Variants in KCNA6 observed in about 807,000 individuals in gnomAD.
KCNA6 encodes potassium voltage-gated channel subfamily A member 6.
Under a neutral mutation model 29.5 loss-of-function variants are expected in KCNA6, and 17 were observed. That is an observed-to-expected ratio of 0.58 (90% CI 0.39 to 0.86). The LOEUF is 0.86. KCNA6 is among the 40% of genes least tolerant of loss of function. The pLI, the probability that KCNA6 is intolerant of heterozygous loss-of-function variation, is 0.00. For missense variants in KCNA6, 450 were observed against 703.4 expected, an observed-to-expected ratio of 0.64 and a Z score of 4.07; for synonymous variants, 296 against 304.7, an observed-to-expected ratio of 0.97 and a Z score of 0.30.
At chr12:4,830,647 A>C in the KCNA6 span, among the ~76,000 whole-genome samples, 1 of 152,366 alleles carries the variant, frequency 6.6e-6, no homozygotes, top group South Asian at 2.1e-4. Flanking sequence ...GTTTCTCTTT[A>C]CTGTTCCTCT....
chr12:4,830,494 G>A, the KCNA6 span, among the ~76,000 whole-genome samples: 3 of 152,164 alleles, frequency 2.0e-5, no homozygotes, highest in African/African-American at 7.2e-5. Flanking sequence ...GTCCCACTCC[G>A]GACACCTGGC....
the KCNA6 span, among the ~76,000 whole-genome samples, chr12:4,820,275 T>G: frequency 6.6e-6 from 1 of 152,108 alleles, no homozygotes; most frequent in South Asian, 2.1e-4. Context: ...ACTGGTAATA[T>G]GTATATATTT....
At chr12:4,822,544 A>G in the KCNA6 span, among the ~76,000 whole-genome samples, 1 of 152,212 alleles carries the variant, frequency 6.6e-6, no homozygotes, top group East Asian at 1.9e-4. Context: ...AGAGCATGCC[A>G]TGTTCTGTGT....
exon 1 of KCNA6, chr12:4,809,518 C>G (rs1946599026): frequency 6.6e-6 from 1 of 151,718 alleles, no homozygotes; most frequent in Non-Finnish European, 1.5e-5. Context: ...GACCCAGCCC[C>G]GCGGTGGACG....
the KCNA6 span, among the ~76,000 whole-genome samples, chr12:4,834,780 C>A: frequency 6.6e-6 from 1 of 152,132 alleles, no homozygotes; most frequent in African/African-American, 2.4e-5. Context: ...CTCTCATCGA[C>A]CTTGGAGCCA....
chr12:4,820,861 C>T, the KCNA6 span, among the ~76,000 whole-genome samples: 1 of 152,110 alleles, frequency 6.6e-6, no homozygotes, highest in Admixed American at 6.5e-5. Flanking sequence ...CTTCTAATCT[C>T]ACTGATTAAG....
chr12:4,832,482 CT>C, the KCNA6 span, among the ~76,000 whole-genome samples: 4 of 152,116 alleles, frequency 2.6e-5, no homozygotes, highest in African/African-American at 9.7e-5. Flanking sequence ...AGACAATACG[CT>C]TTTTGATACT....
chr12:4,829,880 T>C, the KCNA6 span, among the ~76,000 whole-genome samples: 1 of 152,184 alleles, frequency 6.6e-6, no homozygotes, highest in Non-Finnish European at 1.5e-5. Flanking sequence ...GGCATTATTA[T>C]ATTGTCCTTG....
the KCNA6 span, among the ~76,000 whole-genome samples, chr12:4,827,202 T>TTCCC: frequency 2.3e-4 from 12 of 51,886 alleles, no homozygotes; most frequent in South Asian, 4.8e-3. Context: ...CCTTCCTTCC[T>TTCCC]TCCCTCCTTC....
chr12:4,836,823 A>G, the KCNA6 span, among the ~76,000 whole-genome samples: 2,105 of 152,338 alleles, frequency 0.014, 61 homozygotes, highest in African/African-American at 0.049. Context: ...AGCCAGTTGC[A>G]GGGAGACATG....
chr12:4,832,261 C>A, the KCNA6 span, among the ~76,000 whole-genome samples: 4 of 152,108 alleles, frequency 2.6e-5, no homozygotes, highest in African/African-American at 9.7e-5. Flanking sequence ...GTGAAAAAAA[C>A]AAGTACCTCT....
the KCNA6 span, among the ~76,000 whole-genome samples, chr12:4,819,549 G>T: frequency 6.6e-6 from 1 of 152,236 alleles, no homozygotes; most frequent in Non-Finnish European, 1.5e-5. Flanking sequence ...GTAGTTGGAA[G>T]AAGCCAGCTC....
the KCNA6 span, among the ~76,000 whole-genome samples, chr12:4,840,413 G>A: frequency 6.6e-6 from 1 of 152,100 alleles, no homozygotes; most frequent in Non-Finnish European, 1.5e-5. Context: ...TTAGAGAAAT[G>A]CAAATCAAAC....
At chr12:4,850,285 G>A in the KCNA6 span, among the ~76,000 whole-genome samples, 1 of 123,104 alleles carries the variant, frequency 8.1e-6, no homozygotes, top group Non-Finnish European at 1.8e-5. The surrounding 1 kb of genome is among the most constrained non-coding windows in gnomAD (Gnocchi z 5.4). Flanking sequence ...GCTGGTGCAG[G>A]CTGAGGGTCC....
chr12:4,810,310 G>T lies in KCNA6; in HGVS notation c.269G>T (p.Arg90Leu). 1 of 1,614,074 alleles carries T rather than the reference G, an allele frequency of 6.2e-7. No individual in the cohort carries two copies. Among genetic ancestry groups the T allele is most frequent in the Non-Finnish European group, 8.5e-7 (1 of 1,180,028 alleles). The change falls in exon 1 of 1, where the codon CGG becomes CTG. Residue 90 changes from arginine to leucine, a missense_variant. Physicochemically the swap from Arg to Leu is moderately radical, Grantham distance 102 (BLOSUM62 -2). This residue lies in a region of KCNA6 where 133 missense variants were observed against 217.5 expected (regional missense o/e 0.61). Coordinates refer to ENST00000280684, the Ensembl canonical transcript of KCNA6. The surrounding 1 kb of genome is among the most constrained non-coding windows in gnomAD (Gnocchi z 7.5). ...AACGAGTACTTCTTCGACCGCAACC[G>T]GCCCAGCTTCGACGCCATCCTCTAC...
At chr12:4,833,658 C>G in the KCNA6 span, among the ~76,000 whole-genome samples, 53 of 152,322 alleles carry the variant, frequency 3.5e-4, no homozygotes, top group African/African-American at 1.0e-3. Flanking sequence ...CTTTTTGCCT[C>G]ATGCTCACAG....
At chr12:4,831,549 G>T in the KCNA6 span, among the ~76,000 whole-genome samples, 1 of 152,302 alleles carries the variant, frequency 6.6e-6, no homozygotes, top group African/African-American at 2.4e-5. Context: ...GGAGCTGGAA[G>T]GGGTCGGATC....
the KCNA6 span, among the ~76,000 whole-genome samples, chr12:4,838,635 A>G: frequency 6.6e-6 from 1 of 152,210 alleles, no homozygotes; most frequent in Non-Finnish European, 1.5e-5. Flanking sequence ...GCCATAACTA[A>G]ATACCATACA....
chr12:4,846,934 A>C, the KCNA6 span, among the ~76,000 whole-genome samples: 1 of 148,106 alleles, frequency 6.8e-6, no homozygotes. Flanking sequence ...GCCCGCCACC[A>C]CGCCCAGCTA....
Sources: gnomAD v4.1 joint callset for allele counts (sites outside exome capture counted in the v4.1 genomes callset) on GRCh38, gnomAD v4.1.1 for gene constraint, gnomAD v4.1.1 regional missense constraint, Gnocchi (gnomAD v3.1) non-coding constraint, MANE v1.5 for transcripts, NCBI Gene and HGNC (gene_info 2026-07-23, HGNC 2026-07-21) for gene names.